The following ADGRV1 variants were observed in gnomAD, a reference collection of about 807,000 sequenced individuals.
The protein encoded by ADGRV1 is G-protein coupled receptor 98.
ADGRV1 carries 359 observed loss-of-function variants against 596.2 expected under a neutral mutation model. The observed-to-expected ratio is 0.60, with a 90% confidence interval of 0.55 to 0.66. ADGRV1 has a LOEUF of 0.66. ADGRV1 is among the 30% of genes least tolerant of loss of function. ADGRV1 has a pLI of 0.00. For synonymous variants in ADGRV1, 2,681 were observed against 2,679.2 expected (o/e 1.00, Z -0.02); for missense variants, 7,274 against 7,575.6 (o/e 0.96, Z 1.48).
At chr5:91,015,058 CAG>C (rs758593829) in intron 85 of ADGRV1, among the ~76,000 whole-genome samples, 5 of 152,058 alleles carry the variant, frequency 3.3e-5, no homozygotes, top group Non-Finnish European at 7.4e-5. Flanking sequence ...ACCTGTGTCT[CAG>C]AGTTTCTGGC....
chr5:90,726,120 T>G (rs1212223911), intron 48 of ADGRV1, among the ~76,000 whole-genome samples: 1 of 152,196 alleles, frequency 6.6e-6, no homozygotes, highest in Non-Finnish European at 1.5e-5. Flanking sequence ...TTCAGCTAAT[T>G]CCCTTGTTGA....
chr5:90,619,265 G>A, intron 4 of ADGRV1, 84 bp downstream of exon 4: 1 of 569,378 alleles, frequency 1.8e-6, no homozygotes, highest in South Asian at 3.3e-5. Flanking sequence ...ATGTTAGCTA[G>A]TATCATGCTG....
At chr5:90,658,630 T>A (rs1257597676) in intron 21 of ADGRV1, among the ~76,000 whole-genome samples, 10 of 152,158 alleles carry the variant, frequency 6.6e-5, no homozygotes, top group Admixed American at 6.6e-4. Flanking sequence ...TATTGAAGGC[T>A]TGTATGAATA....
intron 2 of ADGRV1, 29 bp from the exon 3 acceptor site, chr5:90,617,775 A>G: frequency 6.4e-7 from 1 of 1,563,094 alleles, no homozygotes; most frequent in Non-Finnish European, 8.7e-7. Context: ...TGTGTTAAAT[A>G]AGAATGATCT....
chr5:90,823,022 A>T (rs935307173), intron 75 of ADGRV1, among the ~76,000 whole-genome samples: 2 of 152,182 alleles, frequency 1.3e-5, no homozygotes, highest in African/African-American at 4.8e-5. Flanking sequence ...GCTTAAGGAG[A>T]TTCTGGGCTG....
chr5:90,793,796 T>A (rs1760349247), intron 70 of ADGRV1, among the ~76,000 whole-genome samples: 1 of 152,186 alleles, frequency 6.6e-6, no homozygotes, highest in African/African-American at 2.4e-5. Context: ...GTGACAAAAG[T>A]TTACTAGTTT....
At chr5:90,834,379 C>T (rs1443263482) in intron 77 of ADGRV1, among the ~76,000 whole-genome samples, 1 of 152,070 alleles carries the variant, frequency 6.6e-6, no homozygotes, top group Non-Finnish European at 1.5e-5. Flanking sequence ...AGTCTTTCTC[C>T]TTCATGTTTG....
chr5:90,763,259 T>C lies in ADGRV1; in HGVS notation c.12121-46T>C, dbSNP rs770777593. On this transcript the variant is annotated intron_variant, in intron 58 of 89. Coordinates refer to ENST00000405460, the MANE Select transcript of ADGRV1 (RefSeq NM_032119.4). ...AGATTCTACTTGTTTATCCTGCTCT[T>C]TTTGTTTTTTTTTTTGTTTGGCCTT... 1.0e-5 allele frequency: 14 copies of C among 1,369,760 alleles called. No individual in the cohort carries two copies. In the East Asian group the frequency reaches 3.3e-4, roughly 32 times the overall value. The allele number at this position is 1,369,760 out of a possible 1,614,324, so 84.9% of individuals were successfully genotyped here.
rs1796418129 is a variant in ADGRV1 at position 91,155,630 on chromosome 5, T to C, written c.18802+2232T>C. ...ACCAAGGAAACCCATTTTGCTTAAT[T>C]TAACCTGGTCTTTCCAGAACACTAG... On this transcript the variant is annotated intron_variant, in intron 89 of 89. Coordinates refer to ENST00000405460, the MANE Select transcript of ADGRV1 (RefSeq NM_032119.4). Among the ~76,000 whole-genome samples the C allele has an allele frequency of 2.0e-5, 3 of 152,196 alleles. No homozygotes were observed. In the South Asian group the frequency reaches 6.2e-4, roughly 32 times the overall value.
At chr5:90,861,528 C>T (rs528161270) in intron 82 of ADGRV1, among the ~76,000 whole-genome samples, 1 of 152,008 alleles carries the variant, frequency 6.6e-6, no homozygotes, top group South Asian at 2.1e-4. Flanking sequence ...CCAGGATGGT[C>T]TCGATCTCCT....
In ADGRV1 at chr5:90,848,226, C is replaced by T. The variant is rs1187563128; in HGVS notation, c.17020-411C>T. On this transcript the variant is annotated intron_variant, in intron 78 of 89. Transcript: ENST00000405460. The stretch of plus-strand genomic sequence containing the variant: ...TGTTTACTGGAAAAAAATAATTTTG[C>T]CACTATTATAAACAAATATTCTTGA... Among the ~76,000 whole-genome samples, 23 of 152,154 alleles carry T rather than the reference C, an allele frequency of 1.5e-4. No homozygotes were observed. In the East Asian group the frequency reaches 4.4e-3, roughly 29 times the overall value.
At chr5:90,850,681 A>T (rs186027600) in intron 79 of ADGRV1, 1 of 152,134 alleles carries the variant, frequency 6.6e-6, no homozygotes, top group African/African-American at 2.4e-5. Context: ...CTATATCTCT[A>T]TAAGATCACC....
chr5:91,063,048 T>C (rs1787585048), intron 85 of ADGRV1, among the ~76,000 whole-genome samples: 1 of 136,630 alleles, frequency 7.3e-6, no homozygotes, highest in African/African-American at 2.7e-5. Context: ...AACCTCCACC[T>C]CCTGGGCTCA....
At chr5:90,985,066 CTG>C (rs1780374104) in intron 84 of ADGRV1, among the ~76,000 whole-genome samples, 1 of 152,098 alleles carries the variant, frequency 6.6e-6, no homozygotes, top group East Asian at 1.9e-4. Context: ...AAGATTGTAA[CTG>C]AGAGTAAATC....
chr5:91,158,542 A>T (rs749337938), intron 89 of ADGRV1, among the ~76,000 whole-genome samples: 12 of 152,166 alleles, frequency 7.9e-5, no homozygotes, highest in Non-Finnish European at 1.6e-4. Context: ...GGTTTGTTCT[A>T]TGTACTTCCC....
At chr5:91,154,899 G>A (rs186969244) in intron 89 of ADGRV1, among the ~76,000 whole-genome samples, 3 of 152,224 alleles carry the variant, frequency 2.0e-5, no homozygotes, top group African/African-American at 4.8e-5. Flanking sequence ...ACGTGGTCCT[G>A]CCCACCACAC....
Position 90,725,145 on chromosome 5 carries a change from C to T in ADGRV1, c.9966C>T (p.Tyr3322=). The change falls in exon 47 of 90, where the codon TAC becomes TAT. Residue 3322 remains tyrosine, a synonymous_variant. Coordinates refer to ENST00000405460, the MANE Select transcript of ADGRV1 (RefSeq NM_032119.4). ...CCTTTAATATTGGTTTTTCTCCCTA[C>T]TTTGTGATTACTCATGAAGAAAGAA... ...CEAFNIGFSP[Y]FVITHEERNE... 2 of 1,546,826 alleles carry T rather than the reference C, an allele frequency of 1.3e-6. No individual in the cohort carries two copies. Among genetic ancestry groups the T allele is most frequent in the Non-Finnish European group, 1.8e-6 (2 of 1,137,644 alleles).
At chr5:90,942,089 A>G (rs1776207789) in intron 83 of ADGRV1, among the ~76,000 whole-genome samples, 1 of 152,334 alleles carries the variant, frequency 6.6e-6, no homozygotes, top group South Asian at 2.1e-4. Flanking sequence ...AATAATTTGC[A>G]TTGTTAACTA....
At chr5:90,876,576 C>T (rs936601844) in intron 83 of ADGRV1, among the ~76,000 whole-genome samples, 1 of 152,116 alleles carries the variant, frequency 6.6e-6, no homozygotes, top group African/African-American at 2.4e-5. Flanking sequence ...TTGTATTATA[C>T]AAACAATCCA....
Sources: allele counts gnomAD v4.1 joint callset (sites outside exome capture counted in the v4.1 genomes callset), GRCh38; gene constraint gnomAD v4.1.1; transcripts MANE v1.5; gene names NCBI Gene and HGNC (gene_info 2026-07-23, HGNC 2026-07-21).